TMEM117: variants seen among roughly 807,000 people sequenced by gnomAD.
TMEM117 encodes transmembrane protein 117.
A neutral mutation model predicts 52.4 loss-of-function variants in TMEM117; 27 were observed. The observed-to-expected ratio is 0.51, with a 90% CI of 0.38 to 0.71. The LOEUF (loss-of-function observed/expected upper bound fraction) is 0.71, where lower values mean the gene tolerates loss of function less well. TMEM117 is among the 30% of genes least tolerant of loss of function. The probability of loss-of-function intolerance (pLI) is 0.00; values close to 1 mark genes in which losing one functional copy is unlikely to be tolerated. For missense variants in TMEM117, 556 were observed against 630.5 expected, an observed-to-expected ratio of 0.88 and a Z score of 1.26; for synonymous variants, 215 against 206.3, an observed-to-expected ratio of 1.04 and a Z score of -0.36.
At position 44,030,390 on chromosome 12, in the gene TMEM117, C is replaced by G. The variant is rs138897383; in HGVS notation, c.410+86048C>G. ...TAGCTATGCTGGATTCAGCCCTTATCTGCACTTCTGCCTGGTGTGTCCTAG... is the reference window on the plus strand; with the variant it reads ...TAGCTATGCTGGATTCAGCCCTTATGTGCACTTCTGCCTGGTGTGTCCTAG... On this transcript the variant is annotated intron_variant, in intron 3 of 7. Transcript: ENST00000266534. Among the ~76,000 whole-genome samples, 1,222 of 152,300 alleles carry G rather than the reference C, an allele frequency of 8.0e-3. 13 individuals carry two copies. The highest frequency in any genetic ancestry group is 0.027 in the African/African-American group (1,135 of 41,550).
intron 7 of TMEM117, among the ~76,000 whole-genome samples, chr12:44,377,505 T>A (rs1289061783): frequency 6.6e-6 from 1 of 152,202 alleles, no homozygotes; most frequent in Non-Finnish European, 1.5e-5. Flanking sequence ...GCTTTTGAAA[T>A]GGCTAAAATA....
chr12:43,839,487 C>A (rs1565713352), intron 1 of TMEM117, among the ~76,000 whole-genome samples: 1 of 152,142 alleles, frequency 6.6e-6, no homozygotes, highest in Non-Finnish European at 1.5e-5. Context: ...AAGTTTTGTT[C>A]CCTCTATCTG....
chr12:44,275,600 G>C (rs1592658063), intron 5 of TMEM117, among the ~76,000 whole-genome samples: 1 of 152,142 alleles, frequency 6.6e-6, no homozygotes, highest in Middle Eastern at 3.4e-3. Context: ...ATATATAATG[G>C]AGTACTATTC....
chr12:44,244,372 G>A (rs1950102736), intron 5 of TMEM117: 2 of 151,886 alleles, frequency 1.3e-5, no homozygotes, highest in Admixed American at 6.6e-5. Context: ...CTGATGGTTA[G>A]TGATTTTGAG....
At chr12:43,901,150 C>T (rs763267412) in intron 2 of TMEM117, among the ~76,000 whole-genome samples, 5 of 152,170 alleles carry the variant, frequency 3.3e-5, no homozygotes, top group East Asian at 1.9e-4. Flanking sequence ...CAAAATGAGT[C>T]GACTTTTAAG....
chr12:44,223,115 T>TG (rs58583259), intron 5 of TMEM117, among the ~76,000 whole-genome samples: 15,840 of 151,770 alleles, frequency 0.1, 909 homozygotes, highest in Middle Eastern at 0.2. Context: ...ATTTGTGTCA[T>TG]GGGGTTTGTT....
chr12:43,854,934 G>A (rs981250315), intron 2 of TMEM117, among the ~76,000 whole-genome samples: 4 of 152,212 alleles, frequency 2.6e-5, no homozygotes, highest in Non-Finnish European at 5.9e-5. Flanking sequence ...ACCGCTCCTG[G>A]CCCAGGCCCA....
chr12:44,243,649 C>T (rs1950092233), intron 5 of TMEM117, among the ~76,000 whole-genome samples: 1 of 151,854 alleles, frequency 6.6e-6, no homozygotes, highest in Admixed American at 6.6e-5. Context: ...AAAACTCCTT[C>T]AGCAAATTCT....
At chr12:43,984,350 AGAGT>A (rs1047800514) in intron 3 of TMEM117, among the ~76,000 whole-genome samples, 1 of 147,300 alleles carries the variant, frequency 6.8e-6, no homozygotes, top group African/African-American at 2.5e-5. Context: ...CCTGGGCGAC[AGAGT>A]GAGACTCCGT....
At chr12:44,335,651 G>A (rs901092800) in intron 6 of TMEM117, among the ~76,000 whole-genome samples, 3 of 151,960 alleles carry the variant, frequency 2.0e-5, no homozygotes, top group African/African-American at 4.8e-5. Flanking sequence ...CATGTATATT[G>A]TCTAAAAACA....
At chr12:44,039,296 G>A (rs990513355) in intron 3 of TMEM117, among the ~76,000 whole-genome samples, 1 of 151,478 alleles carries the variant, frequency 6.6e-6, no homozygotes, top group African/African-American at 2.4e-5. Flanking sequence ...CTGTTTCTGG[G>A]CTCTGTACTC....
chr12:43,864,235 G>C (rs1943543000), intron 2 of TMEM117, among the ~76,000 whole-genome samples: 1 of 152,182 alleles, frequency 6.6e-6, no homozygotes, highest in African/African-American at 2.4e-5. Flanking sequence ...ACCTCCCCCT[G>C]CTTCATGGCA....
At chr12:43,953,777 T>G (rs1945262059) in intron 3 of TMEM117, among the ~76,000 whole-genome samples, 1 of 152,166 alleles carries the variant, frequency 6.6e-6, no homozygotes, top group Non-Finnish European at 1.5e-5. Flanking sequence ...ATTCAGGACT[T>G]GAACTCAGCT....
chr12:43,944,933 A>T (rs544966151), intron 3 of TMEM117, among the ~76,000 whole-genome samples: 218 of 152,180 alleles, frequency 1.4e-3, no homozygotes, highest in South Asian at 4.4e-3. Flanking sequence ...CAACATGGTG[A>T]AACTCCATCT....
chr12:44,179,439 G>T (rs1284019037), intron 4 of TMEM117, among the ~76,000 whole-genome samples: 1 of 152,206 alleles, frequency 6.6e-6, no homozygotes. Flanking sequence ...GAGTCTGCTG[G>T]TGCAAATCCT....
chr12:43,893,666 C>G (rs903185711), intron 2 of TMEM117, among the ~76,000 whole-genome samples: 9 of 152,176 alleles, frequency 5.9e-5, no homozygotes, highest in African/African-American at 2.2e-4. Context: ...TTCAAAACCA[C>G]CTTTTCATGA....
At position 43,843,864 on chromosome 12, in the gene TMEM117, A is replaced by G. The variant is rs1943155271; in HGVS notation, c.-28-760A>G. Among the ~76,000 whole-genome samples the G allele has an allele frequency of 2.0e-5, 3 of 152,238 alleles. No individual in the cohort carries two copies. In the South Asian group the frequency reaches 6.2e-4, roughly 31 times the overall value. ...TAACTAGGCTGTGAACATTTTAATA[A>G]AAGTTTATTCACCTGTATACATTTG... On this transcript the variant is annotated intron_variant, in intron 1 of 7. Coordinates refer to ENST00000266534, the MANE Select transcript of TMEM117 (RefSeq NM_032256.3).
At chr12:44,235,269 G>A (rs764206181) in intron 5 of TMEM117, among the ~76,000 whole-genome samples, 2 of 151,202 alleles carry the variant, frequency 1.3e-5, no homozygotes, top group African/African-American at 2.4e-5. Flanking sequence ...GTTGTCATGG[G>A]TATCATTTTG....
intron 5 of TMEM117, among the ~76,000 whole-genome samples, chr12:44,273,651 G>C (rs1950477014): frequency 6.6e-6 from 1 of 152,098 alleles, no homozygotes; most frequent in African/African-American, 2.4e-5. Context: ...GGGATGCCAG[G>C]ATGGTTCAAC....
Sources: gnomAD v4.1 joint callset for allele counts (sites outside exome capture counted in the v4.1 genomes callset) on GRCh38, gnomAD v4.1.1 for gene constraint, MANE v1.5 for transcripts, NCBI Gene and HGNC (gene_info 2026-07-23, HGNC 2026-07-21) for gene names.